Variants in ATP9B observed in about 807,000 individuals in gnomAD.
ATP9B encodes the protein probable phospholipid-transporting ATPase IIB.
Under a neutral mutation model 146.1 loss-of-function variants are expected in ATP9B, and 110 were observed. The ratio of observed to expected loss-of-function variants is 0.75; its 90% CI spans 0.65 to 0.88. ATP9B has a LOEUF of 0.88. Ranked by LOEUF, ATP9B falls within the 40% of genes least tolerant of loss-of-function variation. The pLI is 0.00. For missense variants in ATP9B, 1,499 were observed against 1,496.4 expected, an observed-to-expected ratio of 1.00 and a Z score of -0.03; for synonymous variants, 604 against 569.7, an observed-to-expected ratio of 1.06 and a Z score of -0.86.
intron 5 of ATP9B, among the ~76,000 whole-genome samples, chr18:79,130,433 A>C (rs566875506): frequency 7.3e-5 from 11 of 151,636 alleles, no homozygotes; most frequent in South Asian, 2.1e-4. Flanking sequence ...GAAAAAAAAA[A>C]CAAAACCGCT....
chr18:79,084,173 A>G (rs1303719082), intron 1 of ATP9B, among the ~76,000 whole-genome samples: 3 of 149,006 alleles, frequency 2.0e-5, no homozygotes, highest in South Asian at 2.1e-4. Flanking sequence ...TTTTTTTTGG[A>G]ATATTCATAG....
At chr18:79,175,888 A>G (rs73486166) in intron 7 of ATP9B, among the ~76,000 whole-genome samples, 1,610 of 152,346 alleles carry the variant, frequency 0.011, 31 homozygotes, top group African/African-American at 0.035. Flanking sequence ...ACACAGATGA[A>G]CATGCATGTA....
rs575426388 is a variant in ATP9B, at chr18:79,156,753, T to C, written c.778+2198T>C. On this transcript the variant is annotated intron_variant, in intron 7 of 29. Coordinates refer to ENST00000426216, the MANE Select transcript of ATP9B (RefSeq NM_198531.5). ...TTGCCAATATTGGAGTATAATGTGA[T>C]CTTTTTTCAAGTAATTCTGCTCTTC... 2.9e-4 allele frequency among the ~76,000 whole-genome samples: 44 copies of C among 152,330 alleles called. 1 individual carries two copies. The South Asian group carries it at 7.7e-3, about 27-fold the overall frequency.
chr18:79,328,036 G>GTGGTTAGCGTGCTCTCCC (rs2096769158), intron 15 of ATP9B, among the ~76,000 whole-genome samples: 1 of 147,956 alleles, frequency 6.8e-6, no homozygotes, highest in Non-Finnish European at 1.5e-5. Context: ...CGTGCTCTCC[G>GTGGTTAGCGTGCTCTCCC]TGGTTAGCGT....
At chr18:79,233,467 A>C (rs1234820659) in intron 11 of ATP9B, among the ~76,000 whole-genome samples, 1 of 152,176 alleles carries the variant, frequency 6.6e-6, no homozygotes, top group Admixed American at 6.5e-5. Context: ...GGTGTATAAT[A>C]TTCAAACTAC....
rs145846343 is a variant in ATP9B, at chr18:79,170,758, T to G, written c.779-6055T>G. 1.5e-3 allele frequency among the ~76,000 whole-genome samples: 221 copies of G among 152,322 alleles called. 3 individuals are homozygous for G. The highest frequency in any genetic ancestry group is 5.0e-3 in the African/African-American group (208 of 41,572). On this transcript the variant is annotated intron_variant, in intron 7 of 29. Coordinates refer to ENST00000426216, the MANE Select transcript of ATP9B (RefSeq NM_198531.5). ...GTCTCTCTCCTGCATGTCAGATTAGTTCGTCTGCTGAGCTACTTGATTATA... is the reference window on the plus strand; with the variant it reads ...GTCTCTCTCCTGCATGTCAGATTAGGTCGTCTGCTGAGCTACTTGATTATA...
intron 12 of ATP9B, among the ~76,000 whole-genome samples, chr18:79,266,119 G>C (rs186213978): frequency 6.6e-6 from 1 of 152,034 alleles, no homozygotes; most frequent in East Asian, 1.9e-4. Context: ...GAGTGTTTTA[G>C]GTCTTCTTGG....
intron 7 of ATP9B, among the ~76,000 whole-genome samples, chr18:79,164,413 A>G (rs1449072967): frequency 6.6e-6 from 1 of 152,184 alleles, no homozygotes; most frequent in Non-Finnish European, 1.5e-5. Context: ...GGTACTTAAA[A>G]GGATTAAAAA....
At chr18:79,256,286 T>TATATATATATACACACAC (rs398033647) in intron 12 of ATP9B, among the ~76,000 whole-genome samples, 4 of 123,072 alleles carry the variant, frequency 3.3e-5, no homozygotes, top group African/African-American at 1.3e-4. Flanking sequence ...TATATATATA[T>TATATATATATACACACAC]ACATACATAG....
At chr18:79,144,550 A>G (rs1480443480) in intron 6 of ATP9B, among the ~76,000 whole-genome samples, 1 of 152,080 alleles carries the variant, frequency 6.6e-6, no homozygotes, top group Non-Finnish European at 1.5e-5. Context: ...TGCTGATCTG[A>G]CAGGAGGCGG....
intron 13 of ATP9B, among the ~76,000 whole-genome samples, chr18:79,297,112 A>G (rs534017487): frequency 3.3e-5 from 5 of 150,700 alleles, no homozygotes; most frequent in Non-Finnish European, 7.4e-5. Context: ...GAGAAGACAC[A>G]GACGACCCAG....
intron 13 of ATP9B, among the ~76,000 whole-genome samples, chr18:79,277,504 C>T (rs867023911): frequency 3.2e-4 from 49 of 151,978 alleles, no homozygotes; most frequent in African/African-American, 1.2e-3. Context: ...CTTTGTAACA[C>T]CTCCCTAGTG....
chr18:79,359,575 A>T (rs2096975181), intron 26 of ATP9B, 113 bp downstream of exon 26: 2 of 789,012 alleles, frequency 2.5e-6, no homozygotes, highest in Non-Finnish European at 4.3e-6. Flanking sequence ...GTGAAAAACG[A>T]TTCTCTGTCC....
intron 8 of ATP9B, among the ~76,000 whole-genome samples, chr18:79,190,389 A>G (rs2095352653): frequency 6.6e-6 from 1 of 152,152 alleles, no homozygotes; most frequent in Non-Finnish European, 1.5e-5. Flanking sequence ...AGATTTATTG[A>G]AGAAAATTCA....
chr18:79,234,653 T>G (rs1449542659), intron 11 of ATP9B, among the ~76,000 whole-genome samples: 6 of 150,632 alleles, frequency 4.0e-5, no homozygotes, highest in African/African-American at 9.8e-5. Flanking sequence ...TGGGCGTGCT[T>G]CGTGTGGGTG....
chr18:79,289,514 G>A (rs1017688105), intron 13 of ATP9B, among the ~76,000 whole-genome samples: 3 of 152,032 alleles, frequency 2.0e-5, no homozygotes, highest in African/African-American at 7.2e-5. Context: ...TTATACATTC[G>A]TCTAAATTTT....
chr18:79,155,034 AT>A (rs1420949559), intron 7 of ATP9B, among the ~76,000 whole-genome samples: 4 of 152,244 alleles, frequency 2.6e-5, no homozygotes, highest in Non-Finnish European at 5.9e-5. Context: ...TAATTAAATG[AT>A]GATGTTACTT....
chr18:79,223,885 T>C lies in ATP9B; in HGVS notation c.1107+9847T>C, dbSNP rs575369488. Reference sequence around the variant, plus strand: ...GCTCTATCAGAGTGTATAGCAAATATCTAAACTAGAAAACTTAGATTTTGT... The same window carrying C: ...GCTCTATCAGAGTGTATAGCAAATACCTAAACTAGAAAACTTAGATTTTGT... On this transcript the variant is annotated intron_variant, in intron 11 of 29. Coordinates refer to ENST00000426216, the MANE Select transcript of ATP9B (RefSeq NM_198531.5). Among the ~76,000 whole-genome samples the C allele has an allele frequency of 4.5e-4, 68 of 152,300 alleles. No individual in the cohort carries two copies. The East Asian group carries it at 5.0e-3, about 11-fold the overall frequency.
intron 1 of ATP9B, among the ~76,000 whole-genome samples, chr18:79,081,046 T>C (rs1360286786): frequency 3.9e-5 from 6 of 152,228 alleles, no homozygotes; most frequent in Non-Finnish European, 8.8e-5. Flanking sequence ...GATTTTCACA[T>C]TGATGTTCAT....
Sources: allele counts gnomAD v4.1 joint callset (sites outside exome capture counted in the v4.1 genomes callset), GRCh38; gene constraint gnomAD v4.1.1; transcripts MANE v1.5; gene names NCBI Gene and HGNC (gene_info 2026-07-23, HGNC 2026-07-21).